DNAH17: variants seen among roughly 807,000 people sequenced by gnomAD.
DNAH17 encodes the protein dynein axonemal heavy chain 17, also known as axonemal beta dynein heavy chain 17.
Under a neutral mutation model 485.6 loss-of-function variants are expected in DNAH17, and 376 were observed. The ratio of observed to expected loss-of-function variants is 0.77; its 90% CI spans 0.71 to 0.84. DNAH17 has a LOEUF of 0.84. Ranked by LOEUF, DNAH17 falls within the 40% of genes least tolerant of loss-of-function variation. The pLI, the probability that DNAH17 is intolerant of heterozygous loss-of-function variation, is 0.00. For missense variants in DNAH17, 6,370 were observed against 5,839.3 expected (o/e 1.09, Z -2.96); for synonymous variants, 3,031 against 2,405.9 (o/e 1.26, Z -7.60).
At chr17:78,571,214 G>A in intron 5 of DNAH17, 65 bp downstream of exon 5, 1 of 1,459,062 alleles carries the variant, frequency 6.9e-7, no homozygotes, top group Non-Finnish European at 9.5e-7. Context: ...TGACAAGTCT[G>A]ACCCAGCCCT....
At chr17:78,573,275 T>C (rs1256223644) in intron 2 of DNAH17, among the ~76,000 whole-genome samples, 1 of 152,062 alleles carries the variant, frequency 6.6e-6, no homozygotes, top group Non-Finnish European at 1.5e-5. Flanking sequence ...CACCTTAGAA[T>C]GTGACTATTT....
intron 32 of DNAH17, 71 bp downstream of exon 32, chr17:78,502,815 C>A: frequency 6.3e-7 from 1 of 1,591,662 alleles, no homozygotes; most frequent in East Asian, 2.2e-5. Flanking sequence ...AACAGCGGAG[C>A]CCATGAACGC....
chr17:78,562,113 A>C, intron 11 of DNAH17, 133 bp from the exon 12 acceptor site: 4 of 1,106,158 alleles, frequency 3.6e-6, no homozygotes, highest in Non-Finnish European at 4.9e-6. Context: ...AAAACAATCC[A>C]CTGGAACCTT....
intron 25 of DNAH17, among the ~76,000 whole-genome samples, chr17:78,523,939 A>G (rs559545092): frequency 3.0e-4 from 45 of 152,330 alleles, no homozygotes; most frequent in African/African-American, 1.1e-3. Flanking sequence ...TTTAAAAAAG[A>G]AAATATGCTG....
chr17:78,528,763 G>C (rs997171629), intron 22 of DNAH17, among the ~76,000 whole-genome samples: 1 of 152,066 alleles, frequency 6.6e-6, no homozygotes, highest in African/African-American at 2.4e-5. Flanking sequence ...CACGCTGACA[G>C]CTGAGGTTCT....
At chr17:78,560,479 T>TCC (rs61060108) in intron 13 of DNAH17, among the ~76,000 whole-genome samples, 2 of 151,650 alleles carry the variant, frequency 1.3e-5, no homozygotes, top group African/African-American at 4.8e-5. Context: ...AAAGACTTTT[T>TCC]CCCCCCCCCC....
intron 11 of DNAH17, among the ~76,000 whole-genome samples, chr17:78,563,778 G>A (rs1471012106): frequency 6.6e-6 from 1 of 151,908 alleles, no homozygotes; most frequent in Non-Finnish European, 1.5e-5. Context: ...GGGACAACAA[G>A]GGAGAGAAAC....
intron 11 of DNAH17, among the ~76,000 whole-genome samples, chr17:78,562,915 T>C (rs890975306): frequency 6.6e-6 from 1 of 152,040 alleles, no homozygotes; most frequent in Admixed American, 6.6e-5. Flanking sequence ...GTGCTGGGTG[T>C]GAGTGGGAAA....
chr17:78,576,139 T>C (rs1166358296), intron 1 of DNAH17, among the ~76,000 whole-genome samples: 1 of 152,202 alleles, frequency 6.6e-6, no homozygotes, highest in African/African-American at 2.4e-5. Context: ...GGTGGACAGA[T>C]GACGTTGGAA....
chr17:78,429,024 T>C, intron 76 of DNAH17, 97 bp downstream of exon 76: 1 of 1,378,326 alleles, frequency 7.3e-7, no homozygotes, highest in Non-Finnish European at 1.0e-6. Context: ...GCCTGGGTTC[T>C]TGCTCAATTA....
Position 78,575,156 on chromosome 17 carries a change from A to C in DNAH17, c.-25-74T>G. 3.1e-6 allele frequency: 3 copies of C among 973,212 alleles called. No homozygotes were observed. In the South Asian group the frequency reaches 5.2e-5, roughly 17 times the overall value. The allele number at this position is 973,212 out of a possible 1,614,324, so 60.3% of individuals were successfully genotyped here. ...ATTTCCCACCCATCCCTGGCACCGC[A>C]GGAAATCTCTGTTTCTACCGGAGCA... On this transcript the variant is annotated intron_variant, in intron 1 of 80. Coordinates refer to ENST00000389840, the MANE Select transcript of DNAH17 (RefSeq NM_173628.4).
Position 78,501,877 on chromosome 17 carries a change from CG to C in DNAH17, c.5191-5del, listed in dbSNP as rs752171987. On this transcript the variant is annotated splice_region_variant and splice_polypyrimidine_tract_variant and intron_variant, in intron 33 of 80. Transcript: ENST00000389840. ...TGAGTACGTTCAGCTGGCTAATCTG[CG>C]GGGGAGAGTGCCTTCGATGAGACAC... 11 of 1,613,734 alleles carry C rather than the reference CG, an allele frequency of 6.8e-6. No individual in the cohort carries two copies. Among genetic ancestry groups the C allele is most frequent in the Non-Finnish European group, 9.3e-6 (11 of 1,179,838 alleles).
chr17:78,478,683 TCAC>T (rs912447720), intron 51 of DNAH17, among the ~76,000 whole-genome samples: 3 of 140,120 alleles, frequency 2.1e-5, no homozygotes, highest in Non-Finnish European at 4.5e-5. Context: ...ACCACCATCA[TCAC>T]AATTATTACC....
In DNAH17 at chr17:78,538,202, G is replaced by A. The variant is rs143784576; in HGVS notation, c.2677-721C>T. On this transcript the variant is annotated intron_variant, in intron 18 of 80. Coordinates refer to ENST00000389840, the MANE Select transcript of DNAH17 (RefSeq NM_173628.4). Reference sequence around the variant, plus strand: ...GTTTCCATTGTTCTGGGTTACTACAGGGGCTAAATGAATCACTGACACACA... The same window carrying A: ...GTTTCCATTGTTCTGGGTTACTACAAGGGCTAAATGAATCACTGACACACA... Among the ~76,000 whole-genome samples the A allele has an allele frequency of 2.1e-4, 31 of 150,656 alleles. No homozygotes were observed. The East Asian group carries it at 5.7e-3, about 28-fold the overall frequency.
At chr17:78,503,981 A>C (rs1199972566) in intron 31 of DNAH17, among the ~76,000 whole-genome samples, 9 of 114,790 alleles carry the variant, frequency 7.8e-5, no homozygotes, top group Non-Finnish European at 1.6e-4. Context: ...ACAAACAAAC[A>C]AACAAAAAAC....
At chr17:78,495,365 G>A (rs2090031180) in intron 38 of DNAH17, among the ~76,000 whole-genome samples, 1 of 151,910 alleles carries the variant, frequency 6.6e-6, no homozygotes, top group African/African-American at 2.4e-5. Context: ...CTGTGTCCCA[G>A]GTGCGGTCCT....
At chr17:78,491,387 C>A (rs1391713365) in intron 43 of DNAH17, 56 bp downstream of exon 43, 2 of 1,584,890 alleles carry the variant, frequency 1.3e-6, no homozygotes, top group Non-Finnish European at 1.7e-6. Context: ...TCCCTGTGAG[C>A]CCCCGTTGTC....
intron 16 of DNAH17, among the ~76,000 whole-genome samples, chr17:78,544,935 C>T (rs753698982): frequency 1.0e-4 from 15 of 150,370 alleles, no homozygotes; most frequent in African/African-American, 3.2e-4. Flanking sequence ...GGTAACAAAA[C>T]ACCTAATAAG....
At chr17:78,472,701 G>T in intron 54 of DNAH17, 1 of 454,576 alleles carries the variant, frequency 2.2e-6, no homozygotes, top group Admixed American at 2.4e-5. Flanking sequence ...GAGTCCCCGA[G>T]GTCACGCACG....
Sources: gnomAD v4.1 joint callset for allele counts (sites outside exome capture counted in the v4.1 genomes callset) on GRCh38, gnomAD v4.1.1 for gene constraint, MANE v1.5 for transcripts, NCBI Gene and HGNC (gene_info 2026-07-23, HGNC 2026-07-21) for gene names.